ANKS1B: variants seen among roughly 807,000 people sequenced by gnomAD.
ANKS1B encodes ankyrin repeat and sterile alpha motif domain containing 1B, also known as ankyrin repeat and sterile alpha motif domain-containing protein 1B.
ANKS1B carries 36 observed loss-of-function variants against 148.3 expected under a neutral mutation model. That is an observed-to-expected ratio of 0.24 (90% CI 0.19 to 0.32). The LOEUF is 0.32. ANKS1B is among the 10% of genes least tolerant of loss of function. The pLI, the probability that ANKS1B is intolerant of heterozygous loss-of-function variation, is 1.00. For missense variants in ANKS1B, 1,157 were observed against 1,542.6 expected, an observed-to-expected ratio of 0.75 and a Z score of 4.19; for synonymous variants, 542 against 560.8, an observed-to-expected ratio of 0.97 and a Z score of 0.47.
At chr12:99,886,437 GTAAT>G (rs1356420179) in intron 1 of ANKS1B, among the ~76,000 whole-genome samples, 4 of 152,112 alleles carry the variant, frequency 2.6e-5, no homozygotes, top group Non-Finnish European at 5.9e-5. Context: ...TTCCTATTGT[GTAAT>G]TAATTCTTTC....
chr12:98,991,966 GATA>G (rs1263924949), intron 17 of ANKS1B, among the ~76,000 whole-genome samples: 2 of 152,260 alleles, frequency 1.3e-5, no homozygotes, highest in African/African-American at 2.4e-5. Context: ...ATATGAAAAA[GATA>G]ATAATAGAAG....
chr12:99,806,421 T>C lies in ANKS1B; in HGVS notation c.652A>G (p.Met218Val). 1 of 1,613,908 alleles carries C rather than the reference T, an allele frequency of 6.2e-7. No homozygotes were observed. ...ACACTCACTTGACAGCTCACATCCA[T>C]TCCTGCCTCCAGCAGCACCTGCACG... is the stretch of plus-strand genomic sequence containing the variant. ...AVVQVLLEAG[M>V]DVSCQTEKGS... Residue 218 changes from methionine to valine, a missense_variant, in exon 4 of 27, where the codon ATG (methionine) becomes GTG (valine). By Grantham distance (21) the Met-to-Val change is conservative (BLOSUM62 1). Transcript: ENST00000683438.
chr12:99,611,407 ATGTT>A (rs938889221), intron 9 of ANKS1B, among the ~76,000 whole-genome samples: 31 of 152,092 alleles, frequency 2.0e-4, no homozygotes, highest in Middle Eastern at 3.4e-3. Flanking sequence ...CCTCAAATAC[ATGTT>A]TGTTTGTTTG....
chr12:99,634,765 A>G, intron 9 of ANKS1B, among the ~76,000 whole-genome samples: 1 of 152,232 alleles, frequency 6.6e-6, no homozygotes, highest in African/African-American at 2.4e-5. Context: ...AGTAAAAATT[A>G]GATAAATTGG....
chr12:99,148,385 C>G (rs1398776032), intron 15 of ANKS1B, among the ~76,000 whole-genome samples: 44 of 151,696 alleles, frequency 2.9e-4, no homozygotes, highest in Non-Finnish European at 5.9e-5. Context: ...GGAAAAGGCT[C>G]CTTTTTAACA....
chr12:99,523,673 C>T (rs1263312571), intron 9 of ANKS1B, among the ~76,000 whole-genome samples: 2 of 151,822 alleles, frequency 1.3e-5, no homozygotes, highest in African/African-American at 2.4e-5. Flanking sequence ...CCTGCCTCAG[C>T]CTCCCAATAG....
intron 17 of ANKS1B, 67 bp from the exon 18 acceptor site, chr12:98,832,203 CAT>C (rs2099323296): frequency 1.6e-6 from 2 of 1,263,592 alleles, no homozygotes; most frequent in African/African-American, 1.5e-5. Context: ...TGTCCTAAAA[CAT>C]GTGGGGTGAA....
chr12:99,565,770 C>T lies in ANKS1B; in HGVS notation c.1273-61129G>A, dbSNP rs150357677. Reference sequence around the variant, plus strand: ...CTCTGACCTTTTTAGATGAAGCTGGCAGTGTTTCTGCTTCAATAAATTTCT... The same window carrying T: ...CTCTGACCTTTTTAGATGAAGCTGGTAGTGTTTCTGCTTCAATAAATTTCT... On this transcript the variant is annotated intron_variant, in intron 9 of 26. Coordinates refer to ENST00000683438, the MANE Select transcript of ANKS1B (RefSeq NM_001352186.2). Among the ~76,000 whole-genome samples, 345 of 152,260 alleles carry T rather than the reference C, an allele frequency of 2.3e-3. 4 individuals carry two copies. Among genetic ancestry groups the T allele is most frequent in the African/African-American group, 8.1e-3 (338 of 41,548 alleles).
chr12:99,309,745 T>A lies in ANKS1B; in HGVS notation c.1757-62881A>T, dbSNP rs142795748. The stretch of plus-strand genomic sequence containing the variant: ...TACTAACAACCTTTTGTAATAGCCA[T>A]ATATTACAATTGGTGTAGCAATGAG... On this transcript the variant is annotated intron_variant, in intron 12 of 26. Transcript: ENST00000683438. Among the ~76,000 whole-genome samples the A allele has an allele frequency of 6.2e-3, 938 of 152,226 alleles. 7 individuals carry two copies. The highest frequency in any genetic ancestry group is 0.022 in the African/African-American group (905 of 41,556).
intron 1 of ANKS1B, among the ~76,000 whole-genome samples, chr12:99,877,220 G>C (rs2092163226): frequency 6.6e-6 from 1 of 151,976 alleles, no homozygotes; most frequent in Non-Finnish European, 1.5e-5. Context: ...TTTCCTCTCT[G>C]TGATACCTTT....
At chr12:98,803,310 T>G (rs1174247167) in intron 20 of ANKS1B, among the ~76,000 whole-genome samples, 1 of 152,008 alleles carries the variant, frequency 6.6e-6, no homozygotes, top group Non-Finnish European at 1.5e-5. Flanking sequence ...CAGCTATGGG[T>G]TCTTAAACAA....
chr12:99,604,800 G>A (rs1178623184), intron 9 of ANKS1B, among the ~76,000 whole-genome samples: 3 of 144,510 alleles, frequency 2.1e-5, no homozygotes, highest in African/African-American at 5.1e-5. Context: ...GGGCGACAAG[G>A]GCAAAACTCT....
intron 9 of ANKS1B, among the ~76,000 whole-genome samples, chr12:99,606,211 G>T (rs2097850340): frequency 6.6e-6 from 1 of 151,336 alleles, no homozygotes; most frequent in African/African-American, 2.4e-5. Flanking sequence ...TGAGTTGTCT[G>T]GTTTCCTTAT....
chr12:98,811,371 C>T (rs1045230076), intron 19 of ANKS1B, among the ~76,000 whole-genome samples: 2 of 152,178 alleles, frequency 1.3e-5, no homozygotes, highest in Non-Finnish European at 2.9e-5. Flanking sequence ...GGACACACAT[C>T]CTTGTCACAC....
intron 10 of ANKS1B, among the ~76,000 whole-genome samples, chr12:99,476,949 G>A (rs1467811095): frequency 1.3e-5 from 2 of 152,068 alleles, no homozygotes; most frequent in Non-Finnish European, 2.9e-5. Flanking sequence ...GGACTGTTGG[G>A]TTGAGGGCCT....
chr12:99,087,422 A>G (rs1409125283), intron 15 of ANKS1B, among the ~76,000 whole-genome samples: 1 of 152,180 alleles, frequency 6.6e-6, no homozygotes, highest in Non-Finnish European at 1.5e-5. Flanking sequence ...TGATCCAGGT[A>G]TTCAGCAGCA....
intron 8 of ANKS1B, among the ~76,000 whole-genome samples, chr12:99,663,036 G>T (rs1350778580): frequency 2.0e-5 from 3 of 152,024 alleles, no homozygotes; most frequent in African/African-American, 7.2e-5. Flanking sequence ...CTATTATTTT[G>T]TCAATTTAAA....
chr12:98,907,768 T>C (rs1387305601), intron 17 of ANKS1B, among the ~76,000 whole-genome samples: 1 of 152,154 alleles, frequency 6.6e-6, no homozygotes, highest in Non-Finnish European at 1.5e-5. Flanking sequence ...CAGTGGGAGA[T>C]AATTGAACCA....
chr12:99,373,436 C>T (rs141855807), intron 12 of ANKS1B, among the ~76,000 whole-genome samples: 30 of 152,238 alleles, frequency 2.0e-4, no homozygotes, highest in African/African-American at 7.0e-4. Flanking sequence ...TATCCCTTCC[C>T]TATTAGACGG....
Sources: gnomAD v4.1 joint callset for allele counts (sites outside exome capture counted in the v4.1 genomes callset) on GRCh38, gnomAD v4.1.1 for gene constraint, MANE v1.5 for transcripts, NCBI Gene and HGNC (gene_info 2026-07-23, HGNC 2026-07-21) for gene names.